The following SNTG1 variants were observed in gnomAD, a reference collection of about 807,000 sequenced individuals.
SNTG1 encodes gamma-1-syntrophin.
Under a neutral mutation model 74.7 loss-of-function variants are expected in SNTG1, and 39 were observed. The observed-to-expected ratio is 0.52, with a 90% CI of 0.40 to 0.68. The LOEUF is 0.68. Among genes scored for constraint, SNTG1 ranks in the 30% least tolerant of loss-of-function variants. The pLI is 0.00. For missense variants in SNTG1, 685 were observed against 609.5 expected, an observed-to-expected ratio of 1.12 and a Z score of -1.30; for synonymous variants, 254 against 217.1, an observed-to-expected ratio of 1.17 and a Z score of -1.49.
intron 9 of SNTG1, among the ~76,000 whole-genome samples, chr8:50,507,509 C>G (rs2625748): frequency 0.14 from 21,278 of 151,876 alleles, 1,615 homozygotes; most frequent in African/African-American, 0.18. Context: ...CTTACTAGTT[C>G]TATGTCTGTC....
intron 1 of SNTG1, among the ~76,000 whole-genome samples, chr8:49,972,303 G>A (rs1365985954): frequency 6.6e-6 from 1 of 152,134 alleles, no homozygotes; most frequent in Non-Finnish European, 1.5e-5. Context: ...TGGGAAAACT[G>A]GCTAGCCATA....
chr8:50,543,226 G>A (rs1404110138), intron 11 of SNTG1, among the ~76,000 whole-genome samples: 2 of 152,124 alleles, frequency 1.3e-5, no homozygotes, highest in Non-Finnish European at 2.9e-5. Flanking sequence ...CGATTTAAGT[G>A]TTTAATCCAT....
intron 2 of SNTG1, among the ~76,000 whole-genome samples, chr8:50,343,195 T>C (rs1166444039): frequency 6.6e-6 from 1 of 152,178 alleles, no homozygotes; most frequent in African/African-American, 2.4e-5. Context: ...CCAGTGAGTA[T>C]ACAGCTTTCA....
At chr8:50,528,342 C>G (rs1320384795) in intron 9 of SNTG1, among the ~76,000 whole-genome samples, 1 of 151,796 alleles carries the variant, frequency 6.6e-6, no homozygotes, top group Admixed American at 6.6e-5. Flanking sequence ...TTTTAATTTG[C>G]TTTTTGTAAA....
At chr8:49,922,575 G>A (rs1194309021) in intron 1 of SNTG1, among the ~76,000 whole-genome samples, 1 of 152,016 alleles carries the variant, frequency 6.6e-6, no homozygotes, top group African/African-American at 2.4e-5. Context: ...TCACTGTGGA[G>A]AAGGGAGGAG....
chr8:49,941,503 TTTATATA>T (rs1490046368), intron 1 of SNTG1, among the ~76,000 whole-genome samples: 17 of 148,132 alleles, frequency 1.1e-4, no homozygotes, highest in Non-Finnish European at 4.5e-5. Context: ...TATATTTATA[TTTATATA>T]TTATATATTT....
chr8:50,484,080 T>TTTTCTTTCTCTC (rs1319534249), intron 8 of SNTG1, among the ~76,000 whole-genome samples: 4 of 117,580 alleles, frequency 3.4e-5, no homozygotes, highest in African/African-American at 8.6e-5. Context: ...TCTTTTCTCT[T>TTTTCTTTCTCTC]TTTCTTTCTC....
chr8:50,654,019 G>C (rs2095165253), intron 13 of SNTG1, among the ~76,000 whole-genome samples: 1 of 152,056 alleles, frequency 6.6e-6, no homozygotes, highest in South Asian at 2.1e-4. Context: ...GCTCTTTGCT[G>C]TCTTTGGTTC....
chr8:50,132,353 T>C (rs1365784825), intron 1 of SNTG1, among the ~76,000 whole-genome samples: 35 of 152,162 alleles, frequency 2.3e-4, no homozygotes, highest in Admixed American at 2.2e-3. Context: ...TTTTATCATT[T>C]AAATTATTTA....
At chr8:50,779,946 A>C (rs370287367) in intron 18 of SNTG1, among the ~76,000 whole-genome samples, 1 of 151,914 alleles carries the variant, frequency 6.6e-6, no homozygotes, top group African/African-American at 2.4e-5. Context: ...CCTTTTCTGC[A>C]TCTATTGAGA....
intron 1 of SNTG1, among the ~76,000 whole-genome samples, chr8:50,133,052 A>G (rs1473654274): frequency 6.6e-6 from 1 of 152,104 alleles, no homozygotes; most frequent in Non-Finnish European, 1.5e-5. Context: ...TTCACTGTTA[A>G]TTCCTCACTT....
chr8:50,277,238 G>A (rs181383001), intron 2 of SNTG1, among the ~76,000 whole-genome samples: 105 of 131,504 alleles, frequency 8.0e-4, no homozygotes, highest in Admixed American at 7.0e-3. Flanking sequence ...TTGCACTCCC[G>A]CTTAGGCAAC....
At chr8:50,186,075 C>T (rs2083372026) in intron 2 of SNTG1, among the ~76,000 whole-genome samples, 1 of 152,094 alleles carries the variant, frequency 6.6e-6, no homozygotes, top group African/African-American at 2.4e-5. Flanking sequence ...TGAACTCCCA[C>T]TTAGGAGTGA....
intron 2 of SNTG1, among the ~76,000 whole-genome samples, chr8:50,386,004 A>G (rs1211442442): frequency 6.6e-6 from 1 of 152,188 alleles, no homozygotes; most frequent in Non-Finnish European, 1.5e-5. Flanking sequence ...TATCTCGAGG[A>G]AAGTGGTATT....
At position 50,641,798 on chromosome 8, in the gene SNTG1, C is replaced by T. The variant is rs141896453; in HGVS notation, c.850-15111C>T. Among the ~76,000 whole-genome samples, 243 of 152,256 alleles carry T rather than the reference C, an allele frequency of 1.6e-3. 2 individuals carry two copies. The highest frequency in any genetic ancestry group is 0.01 in the Middle Eastern group (3 of 294). On this transcript the variant is annotated intron_variant, in intron 13 of 18. Transcript: ENST00000642720. ...AAAATTGCTTGAGTTTTTTCTTACA[C>T]CTTTGTGGTTCTCTCCTCTTCTCTA...
At chr8:50,693,255 A>C (rs574090865) in intron 15 of SNTG1, among the ~76,000 whole-genome samples, 1 of 152,094 alleles carries the variant, frequency 6.6e-6, no homozygotes, top group East Asian at 1.9e-4. Flanking sequence ...CAGGGCACCC[A>C]CTGTCCTGCA....
chr8:50,040,560 A>C (rs1349364698), intron 1 of SNTG1, among the ~76,000 whole-genome samples: 1 of 152,198 alleles, frequency 6.6e-6, no homozygotes, highest in Non-Finnish European at 1.5e-5. Flanking sequence ...TAAGTATTGC[A>C]GGTAAATTCA....
At position 50,104,252 on chromosome 8, in the gene SNTG1, C is replaced by G. The variant is rs1182770855; in HGVS notation, c.-102-68309C>G. Among the ~76,000 whole-genome samples, 3 of 152,136 alleles carry G rather than the reference C, an allele frequency of 2.0e-5. No homozygotes were observed. In the East Asian group the frequency reaches 5.8e-4, roughly 29 times the overall value. ...CACAATTTCAGAGCCTGTTATTAGT[C>G]TATTCAGAGATTCAACTTCTTCCTG... On this transcript the variant is annotated intron_variant, in intron 1 of 18. Transcript: ENST00000642720.
At chr8:50,454,263 G>A (rs893835591) in intron 8 of SNTG1, among the ~76,000 whole-genome samples, 13 of 150,720 alleles carry the variant, frequency 8.6e-5, no homozygotes, top group East Asian at 6.0e-4. Context: ...TTGGGAGGCC[G>A]AGGTGGGCAG....
Sources: gnomAD v4.1 joint callset for allele counts (sites outside exome capture counted in the v4.1 genomes callset) on GRCh38, gnomAD v4.1.1 for gene constraint, MANE v1.5 for transcripts, NCBI Gene and HGNC (gene_info 2026-07-23, HGNC 2026-07-21) for gene names.